The following NLGN1 variants were observed in gnomAD, a reference collection of about 807,000 sequenced individuals.
NLGN1 encodes neuroligin 1, also known as neuroligin-1.
A neutral mutation model predicts 65.5 loss-of-function variants in NLGN1; 12 were observed. That is an observed-to-expected ratio of 0.18 (90% CI 0.12 to 0.30). NLGN1 has a LOEUF of 0.30. Ranked by LOEUF, NLGN1 falls within the 10% of genes least tolerant of loss-of-function variation. The pLI is 1.00. For synonymous variants in NLGN1, 350 were observed against 359.5 expected, an observed-to-expected ratio of 0.97 and a Z score of 0.30; for missense variants, 750 against 1,007.1, an observed-to-expected ratio of 0.74 and a Z score of 3.46.
intron 2 of NLGN1, among the ~76,000 whole-genome samples, chr3:173,576,721 C>G (rs778753779): frequency 2.6e-5 from 4 of 152,128 alleles, no homozygotes; most frequent in Admixed American, 6.5e-5. Context: ...TCAATTTAAT[C>G]ACATTTGCAA....
chr3:173,854,677 C>T (rs1322914898), intron 4 of NLGN1, among the ~76,000 whole-genome samples: 1 of 151,982 alleles, frequency 6.6e-6, no homozygotes, highest in Non-Finnish European at 1.5e-5. Context: ...TATTGAAGTT[C>T]AAGGAGTGCT....
At chr3:173,549,822 C>T (rs925248605) in intron 2 of NLGN1, among the ~76,000 whole-genome samples, 2 of 152,076 alleles carry the variant, frequency 1.3e-5, no homozygotes, top group African/African-American at 2.4e-5. Flanking sequence ...ATTTCTTCTA[C>T]GTACAAGTCA....
intron 4 of NLGN1, among the ~76,000 whole-genome samples, chr3:173,830,793 C>T (rs1428294627): frequency 6.6e-6 from 1 of 152,044 alleles, no homozygotes; most frequent in African/African-American, 2.4e-5. Context: ...ATGTACTAGC[C>T]GGAAAGGTTA....
intron 4 of NLGN1, among the ~76,000 whole-genome samples, chr3:173,830,990 G>C (rs1458269195): frequency 6.6e-6 from 1 of 152,114 alleles, no homozygotes; most frequent in Non-Finnish European, 1.5e-5. Flanking sequence ...CAAAAATAGG[G>C]AGATCGCTTC....
At chr3:173,875,057 G>A (rs948803073) in intron 4 of NLGN1, among the ~76,000 whole-genome samples, 5 of 152,218 alleles carry the variant, frequency 3.3e-5, no homozygotes, top group Non-Finnish European at 7.4e-5. Flanking sequence ...ACTATTGGGG[G>A]TATAAATCAC....
chr3:174,008,585 G>A (rs35628102), intron 4 of NLGN1, among the ~76,000 whole-genome samples: 25,263 of 151,696 alleles, frequency 0.17, 2,371 homozygotes, highest in East Asian at 0.34. Flanking sequence ...TGCTTGTATA[G>A]TAAGCCCCTT....
At chr3:173,756,819 G>A (rs1316075692) in intron 3 of NLGN1, among the ~76,000 whole-genome samples, 63 of 148,640 alleles carry the variant, frequency 4.2e-4, no homozygotes, top group African/African-American at 1.5e-3. Context: ...AAAAACCTAC[G>A]GTAGAAAAAA....
At position 174,044,580 on chromosome 3, in the gene NLGN1, C is replaced by T. The variant is rs547218065; in HGVS notation, c.647-230735C>T. Among the ~76,000 whole-genome samples the T allele has an allele frequency of 1.2e-4, 18 of 152,234 alleles. No homozygotes were observed. In the South Asian group the frequency reaches 2.9e-3, roughly 25 times the overall value. ...TCTCAGTAAGTTCCTCACCTCCATCCGAGACCACCTCAGCCTCTCAGCCTG... is the reference window on the plus strand; with the variant it reads ...TCTCAGTAAGTTCCTCACCTCCATCTGAGACCACCTCAGCCTCTCAGCCTG... On this transcript the variant is annotated intron_variant, in intron 4 of 6. Coordinates refer to ENST00000457714, the Ensembl canonical transcript of NLGN1.
chr3:174,115,031 C>T (rs1026139831), intron 4 of NLGN1, among the ~76,000 whole-genome samples: 3 of 152,092 alleles, frequency 2.0e-5, no homozygotes, highest in African/African-American at 7.2e-5. Flanking sequence ...ATCTTTACTG[C>T]CTGGTTAACA....
At chr3:173,474,020 AAG>A (rs1204929937) in intron 2 of NLGN1, among the ~76,000 whole-genome samples, 1 of 152,180 alleles carries the variant, frequency 6.6e-6, no homozygotes, top group Non-Finnish European at 1.5e-5. Flanking sequence ...CAGGGCTAGA[AAG>A]AAAATATGTT....
At chr3:174,201,834 CCT>C (rs1006062544) in intron 4 of NLGN1, among the ~76,000 whole-genome samples, 1 of 152,036 alleles carries the variant, frequency 6.6e-6, no homozygotes, top group African/African-American at 2.4e-5. Context: ...CACTTATTTC[CCT>C]CTCACCATGG....
chr3:174,114,112 C>T (rs1245456430), intron 4 of NLGN1, among the ~76,000 whole-genome samples: 1 of 152,110 alleles, frequency 6.6e-6, no homozygotes, highest in African/African-American at 2.4e-5. Context: ...AATAGAACTC[C>T]TCTTGTGTGA....
At chr3:174,195,776 G>A (rs1188120418) in intron 4 of NLGN1, among the ~76,000 whole-genome samples, 1 of 148,282 alleles carries the variant, frequency 6.7e-6, no homozygotes, top group Non-Finnish European at 1.5e-5. Flanking sequence ...AGAGAAGCAT[G>A]CTGAAGTTTG....
intron 4 of NLGN1, among the ~76,000 whole-genome samples, chr3:174,264,998 G>C (rs929621811): frequency 6.6e-6 from 1 of 152,240 alleles, no homozygotes; most frequent in East Asian, 1.9e-4. Context: ...GCTGCTCGGG[G>C]GTCAGGGGTC....
chr3:174,201,358 G>GGAAA (rs1561278821), intron 4 of NLGN1, among the ~76,000 whole-genome samples: 2 of 128,224 alleles, frequency 1.6e-5, no homozygotes, highest in East Asian at 4.2e-4. Context: ...AAGGAAGGAA[G>GGAAA]GAAGGAAGGA....
intron 4 of NLGN1, among the ~76,000 whole-genome samples, chr3:173,860,205 T>C (rs1728790618): frequency 6.6e-6 from 1 of 152,116 alleles, no homozygotes; most frequent in South Asian, 2.1e-4. Flanking sequence ...ATTATATACC[T>C]TTCCAAAAAT....
At chr3:174,292,821 T>C in the NLGN1 span, among the ~76,000 whole-genome samples, 9 of 151,458 alleles carry the variant, frequency 5.9e-5, no homozygotes, top group Admixed American at 2.0e-4. Context: ...CCTGGATAGA[T>C]GTACACAAGA....
chr3:173,903,040 A>C (rs554665532), intron 4 of NLGN1, among the ~76,000 whole-genome samples: 1 of 152,266 alleles, frequency 6.6e-6, no homozygotes, highest in Admixed American at 6.5e-5. Context: ...ACAGCATTCT[A>C]TGCAGATGAA....
intron 4 of NLGN1, among the ~76,000 whole-genome samples, chr3:173,820,203 AC>A (rs1174736677): frequency 1.2e-4 from 18 of 144,956 alleles, no homozygotes; most frequent in Non-Finnish European, 2.3e-4. Flanking sequence ...AAAAAAAAAA[AC>A]GAGAAAGAGT....
Sources: allele counts gnomAD v4.1 joint callset (sites outside exome capture counted in the v4.1 genomes callset), GRCh38; gene constraint gnomAD v4.1.1; transcripts MANE v1.5; gene names NCBI Gene and HGNC (gene_info 2026-07-23, HGNC 2026-07-21).